Variants in TMTC4 observed in about 807,000 individuals in gnomAD.
TMTC4 encodes the protein protein O-mannosyl-transferase TMTC4.
In TMTC4, 65 loss-of-function variants were observed where a neutral mutation model predicts 86.0. That is an observed-to-expected ratio of 0.76 (90% CI 0.62 to 0.93). The LOEUF is 0.93. TMTC4 is among the 40% of genes least tolerant of loss of function. TMTC4 has a pLI of 0.00. For synonymous variants in TMTC4, 379 were observed against 382.5 expected, an observed-to-expected ratio of 0.99 and a Z score of 0.11; for missense variants, 866 against 948.1, an observed-to-expected ratio of 0.91 and a Z score of 1.14.
Position 100,618,451 on chromosome 13 carries a change from C to CTT in TMTC4, c.1837-4023_1837-4022dup, listed in dbSNP as rs1204044849. On this transcript the variant is annotated intron_variant, in intron 15 of 18. Transcript: ENST00000342624. ...GAATGCTTCCAGATTTTTGTTGCTT[C>CTT]TTGTTTTTTTTTTTTTTTTAATCTC... Among the ~76,000 whole-genome samples, 661 of 82,414 alleles carry CTT rather than the reference C, an allele frequency of 8.0e-3. 30 individuals are homozygous for CTT. The East Asian group carries it at 0.099, about 12-fold the overall frequency. 54.1% of individuals were successfully genotyped at this position (82,414 alleles called of 152,430 possible). A position where few individuals can be genotyped will look rare whatever the true frequency, so the allele number is the denominator to read the frequency against.
chr13:100,635,043 C>G lies in TMTC4; in HGVS notation c.1355G>C (p.Ser452Thr), dbSNP rs375463650. 1 of 1,612,538 alleles carries G rather than the reference C, an allele frequency of 6.2e-7. No individual in the cohort carries two copies. Among genetic ancestry groups the G allele is most frequent in the Non-Finnish European group, 8.5e-7 (1 of 1,179,232 alleles). Residue 452 changes from serine (S) to threonine (T), a missense_variant, in exon 11 of 19, where the codon AGC becomes ACC. Physicochemically the swap from Ser to Thr is moderately conservative, Grantham distance 58. Transcript: ENST00000342624. ...VLLTFGFGAL[S>T]KHTKKKKLIA... is the part of the protein sequence containing the mutation. Reference sequence around the variant, plus strand: ...TGATACCTTTTTCTTGGTATGTTTGCTCAGGGCTCCGAATCCAAAAGTCAG... The same window carrying G: ...TGATACCTTTTTCTTGGTATGTTTGGTCAGGGCTCCGAATCCAAAAGTCAG...
intron 17 of TMTC4, among the ~76,000 whole-genome samples, chr13:100,608,119 G>A (rs562329784): frequency 6.6e-6 from 1 of 152,342 alleles, no homozygotes; most frequent in Admixed American, 6.5e-5. Flanking sequence ...TAACTTGAGA[G>A]AAATGGCTTA....
At position 100,638,053 on chromosome 13, in the gene TMTC4, G is replaced by A. The variant is rs772951032; in HGVS notation, c.742-31C>T. The A allele has an allele frequency of 9.5e-5, 151 of 1,582,832 alleles. 2 individuals carry two copies. The Middle Eastern group carries it at 4.0e-3, about 42-fold the overall frequency. On this transcript the variant is annotated intron_variant, in intron 7 of 18. Transcript: ENST00000342624. ...AAAGCAAAGCAAGACAATCAGCCACGGGAGAGCTTGGCTGTGTTAGGCAGC... is the reference window on the plus strand; with the variant it reads ...AAAGCAAAGCAAGACAATCAGCCACAGGAGAGCTTGGCTGTGTTAGGCAGC...
At chr13:100,638,228 TAGTA>T (rs1882539908) in intron 7 of TMTC4, 1 of 505,236 alleles carries the variant, frequency 2.0e-6, no homozygotes, top group African/African-American at 1.9e-5. Context: ...ATTTATTATT[TAGTA>T]AGCCCCTGAT....
chr13:100,641,551 A>C (rs746621465), intron 7 of TMTC4, among the ~76,000 whole-genome samples: 4 of 151,810 alleles, frequency 2.6e-5, no homozygotes, highest in Non-Finnish European at 5.9e-5. Context: ...GCAATGGTGC[A>C]ATCTCGGCTT....
chr13:100,672,515 G>C (rs999035570), intron 1 of TMTC4, among the ~76,000 whole-genome samples: 1 of 152,126 alleles, frequency 6.6e-6, no homozygotes, highest in Non-Finnish European at 1.5e-5. Flanking sequence ...TTTTTGAACA[G>C]GGTTTCACTC....
chr13:100,653,857 C>T (rs778638148), intron 6 of TMTC4, among the ~76,000 whole-genome samples: 92 of 152,150 alleles, frequency 6.0e-4, no homozygotes, highest in Non-Finnish European at 1.1e-3. Flanking sequence ...ACAAAATGCA[C>T]GCCCAACAAT....
At chr13:100,632,091 T>G (rs1881529354) in intron 12 of TMTC4, among the ~76,000 whole-genome samples, 1 of 145,560 alleles carries the variant, frequency 6.9e-6, no homozygotes, top group African/African-American at 2.6e-5. Context: ...TCTCTCTCTC[T>G]CTGTCTTTCT....
chr13:100,642,468 T>C (rs918206532), intron 6 of TMTC4, among the ~76,000 whole-genome samples, 157 bp from the exon 7 acceptor site: 1 of 152,150 alleles, frequency 6.6e-6, no homozygotes, highest in Non-Finnish European at 1.5e-5. Flanking sequence ...AAGAGTGCAT[T>C]AGACAACACC....
rs754508914 is a variant in TMTC4, at chr13:100,668,823, T to C, written c.4-29A>G. Reference sequence around the variant, plus strand: ...CAGGAAAAACAACACTGTATAAATATTCATCAACACTGGTAGGACCGTTTC... The same window carrying C: ...CAGGAAAAACAACACTGTATAAATACTCATCAACACTGGTAGGACCGTTTC... On this transcript the variant is annotated intron_variant, in intron 2 of 18. Transcript: ENST00000342624. 12 of 1,609,620 alleles carry C rather than the reference T, an allele frequency of 7.5e-6. No individual in the cohort carries two copies. The East Asian group carries it at 2.5e-4, about 33-fold the overall frequency.
At chr13:100,618,451 CTTG>C (rs1274763236) in intron 15 of TMTC4, among the ~76,000 whole-genome samples, 16 of 82,426 alleles carry the variant, frequency 1.9e-4, no homozygotes, top group African/African-American at 5.9e-4. Context: ...TTTGTTGCTT[CTTG>C]TTTTTTTTTT....
intron 12 of TMTC4, among the ~76,000 whole-genome samples, chr13:100,629,397 C>T (rs1171911843): frequency 6.6e-6 from 1 of 152,008 alleles, no homozygotes; most frequent in African/African-American, 2.4e-5. Flanking sequence ...GCTGTGTGAT[C>T]GCGGTCTTTC....
chr13:100,616,323 C>T (rs149140528), intron 15 of TMTC4, among the ~76,000 whole-genome samples: 14 of 152,238 alleles, frequency 9.2e-5, no homozygotes, highest in Non-Finnish European at 1.5e-4. Flanking sequence ...CTGCCTCAGC[C>T]TCCCAAGTAG....
intron 3 of TMTC4, 99 bp from the exon 4 acceptor site, chr13:100,664,435 C>T (rs564290297): frequency 1.2e-5 from 9 of 765,802 alleles, no homozygotes; most frequent in African/African-American, 5.4e-5. Context: ...GGCCTCCTAG[C>T]GGGGATGCTG....
Position 100,655,045 on chromosome 13 carries a change from G to A in TMTC4, c.640+1336C>T, listed in dbSNP as rs187796209. On this transcript the variant is annotated intron_variant, in intron 6 of 18. Transcript: ENST00000342624. ...TTTTTTTTTTTTTTTTTTGTGAGAC[G>A]GAGTGTCACTCTGTCACCCAGGCTG... 5.3e-4 allele frequency among the ~76,000 whole-genome samples: 71 copies of A among 134,440 alleles called. No homozygotes were observed. The South Asian group carries it at 6.9e-3, about 13-fold the overall frequency. 88.2% of individuals were successfully genotyped at this position (134,440 alleles called of 152,430 possible). A position where few individuals can be genotyped will look rare whatever the true frequency, so the allele number is the denominator to read the frequency against.
chr13:100,605,062 A>C lies in TMTC4; in HGVS notation c.2215T>G (p.Ser739Ala). 1 of 1,614,096 alleles carries C rather than the reference A, an allele frequency of 6.2e-7. No individual in the cohort carries two copies. The change falls in exon 19 of 19, where the codon TCA becomes GCA. Residue 739 changes from serine to alanine, a missense_variant. Ser to Ala is a moderately conservative substitution (Grantham distance 99). Transcript: ENST00000342624. The surrounding 1 kb of genome is among the most constrained non-coding windows in gnomAD (Gnocchi z 4.3). Reference sequence around the variant, plus strand: ...AGACCGTAATTCTCCTTAGTTCCTGATGCCGTGGGGTCAAGCTGCAAGGAG... The same window carrying C: ...AGACCGTAATTCTCCTTAGTTCCTGCTGCCGTGGGGTCAAGCTGCAAGGAG... ...EISLQLDPTA[S>A]GTKENYGLLR...
chr13:100,666,188 T>TGTCTCAAAGAAGATCATC (rs1886377761), intron 3 of TMTC4: 35 of 381,140 alleles, frequency 9.2e-5, no homozygotes, highest in South Asian at 6.2e-4. Context: ...CTAACTCCAC[T>TGTCTCAAAGAAGATCATC]GTCTCAAAGA....
chr13:100,615,623 T>C (rs908650398), intron 15 of TMTC4, among the ~76,000 whole-genome samples: 1 of 152,074 alleles, frequency 6.6e-6, no homozygotes, highest in African/African-American at 2.4e-5. Context: ...TGGCTGATTT[T>C]TGTACTTTCA....
chr13:100,651,621 G>A (rs9518124), intron 6 of TMTC4, among the ~76,000 whole-genome samples: 28,777 of 150,908 alleles, frequency 0.19, 3,114 homozygotes, highest in Middle Eastern at 0.26. Context: ...GTTAAAAATC[G>A]TCCAGAGCTT....
Sources: allele counts gnomAD v4.1 joint callset (sites outside exome capture counted in the v4.1 genomes callset), GRCh38; gene constraint gnomAD v4.1.1; non-coding constraint Gnocchi (gnomAD v3.1); transcripts MANE v1.5; gene names NCBI Gene and HGNC (gene_info 2026-07-23, HGNC 2026-07-21).